Variants in PTGER4 observed in about 807,000 individuals in gnomAD.
The protein encoded by PTGER4 is prostaglandin E receptor 4.
PTGER4 carries 11 observed loss-of-function variants against 33.2 expected under a neutral mutation model. The observed-to-expected ratio is 0.33, with a 90% CI of 0.21 to 0.55. PTGER4 has a LOEUF of 0.55. Among genes scored for constraint, PTGER4 ranks in the 20% least tolerant of loss-of-function variants. The pLI is 0.92. For missense variants in PTGER4, 481 were observed against 650.2 expected, an observed-to-expected ratio of 0.74 and a Z score of 2.83; for synonymous variants, 275 against 281.5, an observed-to-expected ratio of 0.98 and a Z score of 0.23.
the PTGER4 span, among the ~76,000 whole-genome samples, chr5:40,729,784 C>T: frequency 3.2e-4 from 48 of 152,254 alleles, no homozygotes; most frequent in African/African-American, 1.1e-3. Context: ...CTGCAACCTC[C>T]GCCTCCCACG....
At chr5:40,706,663 G>T in the PTGER4 span, among the ~76,000 whole-genome samples, 6 of 151,374 alleles carry the variant, frequency 4.0e-5, no homozygotes, top group East Asian at 1.2e-3. Context: ...AGGTTTCTTA[G>T]CACACAAAAA....
the PTGER4 span, among the ~76,000 whole-genome samples, chr5:40,743,878 C>CA: frequency 6.6e-6 from 1 of 152,180 alleles, no homozygotes; most frequent in Non-Finnish European, 1.5e-5. Context: ...TGTTCTCCAT[C>CA]CAAAATAAAG....
At chr5:40,702,272 A>G in the PTGER4 span, among the ~76,000 whole-genome samples, 1 of 152,240 alleles carries the variant, frequency 6.6e-6, no homozygotes, top group Non-Finnish European at 1.5e-5. Context: ...TGCTGTCTTC[A>G]AGAGACCCAT....
At chr5:40,726,034 C>T in the PTGER4 span, among the ~76,000 whole-genome samples, 3 of 151,922 alleles carry the variant, frequency 2.0e-5, no homozygotes, top group Non-Finnish European at 4.4e-5. Context: ...ATCCGCCCGC[C>T]TCGGCCTCCC....
At chr5:40,705,885 A>T in the PTGER4 span, among the ~76,000 whole-genome samples, 1 of 152,148 alleles carries the variant, frequency 6.6e-6, no homozygotes, top group Admixed American at 6.5e-5. Flanking sequence ...TGGGAGTGTA[A>T]ATTAGTTCAA....
chr5:40,728,823 T>C, the PTGER4 span, among the ~76,000 whole-genome samples: 58 of 152,334 alleles, frequency 3.8e-4, 1 homozygote, highest in African/African-American at 1.3e-3. Flanking sequence ...GAACCCCAGG[T>C]ATTGCCATTA....
the PTGER4 span, among the ~76,000 whole-genome samples, chr5:40,703,538 G>A: frequency 1.3e-5 from 2 of 152,092 alleles, no homozygotes; most frequent in East Asian, 3.9e-4. Context: ...ACCTGATGGA[G>A]TCATAGCCGA....
Position 40,680,895 on chromosome 5 carries a change from C to T in PTGER4, c.-43-56C>T. ...CGTTTCTCGGGCGCGGGTCTAACAC[C>T]TTACAAGTGGTAATTTCCGCTCACG... On this transcript the variant is annotated intron_variant, in intron 1 of 2. Coordinates refer to ENST00000302472, the MANE Select transcript of PTGER4 (RefSeq NM_000958.3). This position sits in a 1 kb window ranked among gnomAD's most constrained non-coding sequence, Gnocchi z 5.5. 1 of 1,461,536 alleles carries T rather than the reference C, an allele frequency of 6.8e-7. No individual in the cohort carries two copies. Among genetic ancestry groups the T allele is most frequent in the African/African-American group, 1.4e-5 (1 of 71,000 alleles). 90.5% of individuals were successfully genotyped at this position (1,461,536 alleles called of 1,614,324 possible). A position where few individuals can be genotyped will look rare whatever the true frequency, so the allele number is the denominator to read the frequency against.
downstream of PTGER4, among the ~76,000 whole-genome samples, chr5:40,697,814 A>G (rs1299562483): frequency 1.3e-5 from 2 of 151,840 alleles, no homozygotes; most frequent in South Asian, 4.2e-4. Flanking sequence ...ATTATGTGTA[A>G]TAAGTATACT....
the PTGER4 span, among the ~76,000 whole-genome samples, chr5:40,730,062 T>C: frequency 3.0e-4 from 45 of 152,346 alleles, no homozygotes; most frequent in African/African-American, 1.1e-3. Context: ...AAATAACAGT[T>C]AACTTCATTG....
chr5:40,698,254 G>A (rs1217087991), downstream of PTGER4, among the ~76,000 whole-genome samples: 4 of 151,460 alleles, frequency 2.6e-5, no homozygotes, highest in Non-Finnish European at 5.9e-5. Flanking sequence ...CACCAGCCTG[G>A]GCAACAAACC....
the PTGER4 span, chr5:40,715,827 T>A: frequency 4.6e-6 from 1 of 217,168 alleles, no homozygotes; most frequent in East Asian, 1.0e-4. Flanking sequence ...ATTGATCAAA[T>A]TATTCACTAT....
At chr5:40,725,645 T>TA in the PTGER4 span, among the ~76,000 whole-genome samples, 3 of 152,156 alleles carry the variant, frequency 2.0e-5, no homozygotes, top group East Asian at 5.8e-4. Flanking sequence ...CTGATACTGT[T>TA]ACCTCCTGGT....
chr5:40,724,308 T>C, the PTGER4 span, among the ~76,000 whole-genome samples: 33 of 152,240 alleles, frequency 2.2e-4, no homozygotes, highest in African/African-American at 7.9e-4. Context: ...TTATACGATA[T>C]CTCTAAAACA....
the PTGER4 span, among the ~76,000 whole-genome samples, chr5:40,704,993 C>A: frequency 6.6e-6 from 1 of 151,900 alleles, no homozygotes; most frequent in East Asian, 1.9e-4. Flanking sequence ...TTATATGGAA[C>A]CAAAAAAGAG....
chr5:40,746,719 A>G, the PTGER4 span: 1 of 1,045,364 alleles, frequency 9.6e-7, no homozygotes, highest in Non-Finnish European at 1.4e-6. Context: ...TATCAAATTC[A>G]TAACTCTTCA....
At chr5:40,731,391 T>C in the PTGER4 span, among the ~76,000 whole-genome samples, 1 of 152,060 alleles carries the variant, frequency 6.6e-6, no homozygotes, top group Non-Finnish European at 1.5e-5. Context: ...TCTGTATTAG[T>C]TCACTCTCAC....
chr5:40,695,369 C>T (rs1311562472), downstream of PTGER4, among the ~76,000 whole-genome samples: 2 of 152,068 alleles, frequency 1.3e-5, no homozygotes, highest in African/African-American at 4.8e-5. Context: ...GTAATGAAAC[C>T]TCATCTCCAC....
the PTGER4 span, chr5:40,746,750 T>C: frequency 1.2e-5 from 17 of 1,404,732 alleles, no homozygotes; most frequent in Non-Finnish European, 1.6e-5. Context: ...GACAGTGAGC[T>C]AGAAAATGTA....
Sources: allele counts gnomAD v4.1 joint callset (sites outside exome capture counted in the v4.1 genomes callset), GRCh38; gene constraint gnomAD v4.1.1; non-coding constraint Gnocchi (gnomAD v3.1); transcripts MANE v1.5; gene names NCBI Gene and HGNC (gene_info 2026-07-23, HGNC 2026-07-21).